The following CEP89 variants were observed in gnomAD, a reference collection of about 807,000 sequenced individuals.
CEP89 encodes centrosomal protein 89, also known as centrosomal protein of 89 kDa.
In CEP89, 95 loss-of-function variants were observed where a neutral mutation model predicts 97.6. The ratio of observed to expected loss-of-function variants is 0.97; its 90% CI spans 0.82 to 1.15. CEP89 has a LOEUF of 1.15. Among genes scored for constraint, CEP89 ranks in the 50% most tolerant of loss-of-function variants. The pLI is 0.00. For synonymous variants in CEP89, 354 were observed against 349.1 expected, an observed-to-expected ratio of 1.01 and a Z score of -0.16; for missense variants, 869 against 947.7, an observed-to-expected ratio of 0.92 and a Z score of 1.09.
Position 32,960,027 on chromosome 19 carries a change from T to C in CEP89, c.178A>G (p.Thr60Ala), listed in dbSNP as rs754488442. The C allele has an allele frequency of 3.1e-6, 5 of 1,614,106 alleles. No individual in the cohort carries two copies. The highest frequency in any genetic ancestry group is 8.5e-7 in the Non-Finnish European group (1 of 1,180,046). ...SALAAAILAT[T>A]LTGRTVAIPQ... is the part of the protein sequence containing the mutation. Reference sequence around the variant, plus strand: ...ATAGCAACCGTCCGCCCAGTCAATGTTGTCGCCAGAATGGCTGCTGCCAGA... The same window carrying C: ...ATAGCAACCGTCCGCCCAGTCAATGCTGTCGCCAGAATGGCTGCTGCCAGA... The change falls in exon 3 of 19, where the codon ACA becomes GCA. Residue 60 changes from threonine to alanine, a missense_variant. Physicochemically the swap from Thr to Ala is moderately conservative, Grantham distance 58 (BLOSUM62 0). Coordinates refer to ENST00000305768, the MANE Select transcript of CEP89 (RefSeq NM_032816.5).
At chr19:32,922,250 G>A (rs991577007) in intron 12 of CEP89, among the ~76,000 whole-genome samples, 1 of 152,162 alleles carries the variant, frequency 6.6e-6, no homozygotes, top group Non-Finnish European at 1.5e-5. Context: ...ATCAGAACCG[G>A]AGACAAAGGG....
intron 8 of CEP89, 29 bp from the exon 9 acceptor site, chr19:32,931,600 T>C: frequency 6.6e-7 from 1 of 1,512,394 alleles, no homozygotes; most frequent in Non-Finnish European, 8.9e-7. Flanking sequence ...TATTATACTA[T>C]AAGAAATAAC....
intron 5 of CEP89, among the ~76,000 whole-genome samples, chr19:32,941,726 C>T (rs1344271395): frequency 6.6e-6 from 1 of 152,022 alleles, no homozygotes; most frequent in Non-Finnish European, 1.5e-5. Context: ...CCTCCTTTCC[C>T]TACCACCTTC....
intron 14 of CEP89, among the ~76,000 whole-genome samples, chr19:32,908,532 G>A (rs1469142275): frequency 1.3e-5 from 2 of 152,202 alleles, no homozygotes; most frequent in Non-Finnish European, 1.5e-5. Flanking sequence ...ATCAGAGCTC[G>A]AATATGTGGA....
intron 6 of CEP89, among the ~76,000 whole-genome samples, chr19:32,939,348 T>C (rs949436650): frequency 1.3e-5 from 2 of 152,192 alleles, no homozygotes; most frequent in Admixed American, 6.5e-5. Flanking sequence ...ACTTTCATCA[T>C]TAAACTATGG....
chr19:32,948,144 C>T (rs1970834523), intron 5 of CEP89, 122 bp downstream of exon 5: 2 of 555,696 alleles, frequency 3.6e-6, no homozygotes, highest in Non-Finnish European at 3.2e-6. Context: ...AATTATATTC[C>T]TAGTTAAAAT....
chr19:32,913,307 TTTTTTGTTGTTG>T (rs1970048823), intron 14 of CEP89, among the ~76,000 whole-genome samples: 4 of 19,398 alleles, frequency 2.1e-4, no homozygotes, highest in Non-Finnish European at 3.2e-4. Flanking sequence ...ATATATATAT[TTTTTTGTTGTTG>T]TTGTTGTTGT....
intron 18 of CEP89, 89 bp from the exon 19 acceptor site, chr19:32,879,467 A>T (rs554051288): frequency 1.8e-6 from 2 of 1,095,240 alleles, no homozygotes; most frequent in East Asian, 2.4e-5. Flanking sequence ...AAAACAGAAG[A>T]ACGCTATCAG....
chr19:32,951,534 T>TATATATATATATATATACACACAC (rs1407110112), intron 4 of CEP89, among the ~76,000 whole-genome samples: 36 of 122,010 alleles, frequency 3.0e-4, no homozygotes, highest in African/African-American at 1.2e-3. Context: ...TATATATATA[T>TATATATATATATATATACACACAC]ACACACACAC....
chr19:32,937,519 T>C (rs774198009), intron 7 of CEP89, 112 bp downstream of exon 7: 42 of 917,688 alleles, frequency 4.6e-5, no homozygotes, highest in Admixed American at 3.1e-4. Flanking sequence ...GGGTGAAAGT[T>C]CAACAACTAA....
At chr19:32,948,492 C>T (rs1951513936) in intron 4 of CEP89, 124 bp from the exon 5 acceptor site, 1 of 554,378 alleles carries the variant, frequency 1.8e-6, no homozygotes, top group South Asian at 2.8e-5. Context: ...TCCATGGGCA[C>T]TTCAGCTGCT....
rs1970355471 is a variant in CEP89 at position 32,926,265 on chromosome 19, T to C, written c.1089A>G (p.Ile363Met). The part of the protein sequence containing the change: ...KGPIPPWLLD[I>M]KYLSPLLLAY... ...CCAGCAACAATGGTGACAGGTACTT[T>C]ATATCCAACTGAAGATAGAGAGTAA... Residue 363 changes from isoleucine to methionine, a missense_variant, in exon 11 of 19, where the codon ATA becomes ATG. Ile to Met is a conservative substitution (Grantham distance 10). Coordinates refer to ENST00000305768, the MANE Select transcript of CEP89 (RefSeq NM_032816.5). The C allele has an allele frequency of 1.9e-6, 3 of 1,609,930 alleles. No homozygotes were observed. The highest frequency in any genetic ancestry group is 2.7e-5 in the African/African-American group (2 of 74,856).
chr19:32,879,168 G>C lies in CEP89; in HGVS notation c.2346C>G (p.Thr782=). ...CCACGGGCTCCCGCAGATTCTAGCA[G>C]GTGGGGGCATGAGACTTCAGGTCAT... ...CSYDLKSHAP[T]C Residue 782 remains threonine, a synonymous_variant, in exon 19 of 19, where the codon ACC becomes ACG. Transcript: ENST00000305768. 1 of 1,607,376 alleles carries C rather than the reference G, an allele frequency of 6.2e-7. No homozygotes were observed. Among genetic ancestry groups the C allele is most frequent in the Non-Finnish European group, 8.5e-7 (1 of 1,175,598 alleles).
intron 6 of CEP89, among the ~76,000 whole-genome samples, chr19:32,939,570 C>T (rs1452259351): frequency 1.3e-5 from 2 of 150,986 alleles, no homozygotes; most frequent in East Asian, 2.0e-4. Flanking sequence ...CCCAGCTACT[C>T]GGGAGGCTGA....
chr19:32,917,811 T>C (rs1970159360), intron 13 of CEP89: 1 of 984,920 alleles, frequency 1.0e-6, no homozygotes. Context: ...GGCCCGCAGC[T>C]CTGAAGGAAG....
At chr19:32,917,917 CTCA>C (rs1970161706) in intron 13 of CEP89, 1 of 385,392 alleles carries the variant, frequency 2.6e-6, no homozygotes, top group African/African-American at 2.2e-5. Flanking sequence ...AGATGTTTAC[CTCA>C]CGTGATCATT....
At chr19:32,885,109 C>T (rs1969366710) in intron 17 of CEP89, among the ~76,000 whole-genome samples, 1 of 152,166 alleles carries the variant, frequency 6.6e-6, no homozygotes, top group South Asian at 2.1e-4. Context: ...ACTCTTATTA[C>T]CTACGAAGAA....
intron 9 of CEP89, among the ~76,000 whole-genome samples, chr19:32,927,287 TA>T (rs1381522878): frequency 6.6e-6 from 1 of 152,194 alleles, no homozygotes; most frequent in Admixed American, 6.5e-5. Context: ...TTTGCAGATA[TA>T]ATGCCCCTTT....
At chr19:32,952,762 G>A (rs1409662102) in intron 4 of CEP89, among the ~76,000 whole-genome samples, 1 of 151,382 alleles carries the variant, frequency 6.6e-6, no homozygotes, top group Non-Finnish European at 1.5e-5. Context: ...AAAATAGCCA[G>A]GCATGGTGGT....
Sources: gnomAD v4.1 joint callset for allele counts (sites outside exome capture counted in the v4.1 genomes callset) on GRCh38, gnomAD v4.1.1 for gene constraint, MANE v1.5 for transcripts, NCBI Gene and HGNC (gene_info 2026-07-23, HGNC 2026-07-21) for gene names.